Variants in SRP72 observed in about 807,000 individuals in gnomAD.
SRP72 encodes the protein signal recognition particle 72.
SRP72 carries 49 observed loss-of-function variants against 96.3 expected under a neutral mutation model. That is an observed-to-expected ratio of 0.51 (90% confidence interval 0.40 to 0.65). The LOEUF is 0.65. Ranked by LOEUF, SRP72 falls within the 30% of genes least tolerant of loss-of-function variation. The pLI is 0.00. For synonymous variants in SRP72, 267 were observed against 275.2 expected (o/e 0.97, Z 0.30); for missense variants, 736 against 793.3 (o/e 0.93, Z 0.87).
At chr4:56,494,697 C>T (rs1279053096) in intron 16 of SRP72, among the ~76,000 whole-genome samples, 2 of 152,062 alleles carry the variant, frequency 1.3e-5, no homozygotes, top group East Asian at 3.9e-4. Flanking sequence ...AGCCACTGTT[C>T]CCAGCCACTT....
In SRP72 at chr4:56,502,451, G is replaced by C. The variant is rs1285379034; in HGVS notation, c.*590G>C. On this transcript the variant is annotated 3_prime_UTR_variant, in exon 19 of 19. Transcript: ENST00000642900. ...TCTGTCATGTGATACTGGAATATGG[G>C]ATACTTTTCATGTTTATATATATAT... 1.4e-5 allele frequency: 2 copies of C among 139,652 alleles called. No individual in the cohort carries two copies. The highest frequency in any genetic ancestry group is 3.1e-5 in the Non-Finnish European group (2 of 65,264). The allele number at this position is 139,652 out of a possible 1,614,324, so 8.7% of individuals were successfully genotyped here.
intron 16 of SRP72, among the ~76,000 whole-genome samples, chr4:56,492,890 C>G (rs769819717): frequency 6.6e-6 from 1 of 152,058 alleles, no homozygotes; most frequent in African/African-American, 2.4e-5. Flanking sequence ...GAGGCTGAGG[C>G]GGGATGATTG....
At chr4:56,474,489 G>T in intron 5 of SRP72, 98 bp downstream of exon 5, 2 of 1,027,454 alleles carry the variant, frequency 1.9e-6, no homozygotes, top group Non-Finnish European at 2.8e-6. Context: ...ATTATTAAAT[G>T]GAAGTTATTG....
intron 4 of SRP72, 26 bp downstream of exon 4, chr4:56,474,223 A>G (rs960484734): frequency 2.5e-6 from 4 of 1,613,696 alleles, no homozygotes; most frequent in Admixed American, 1.7e-5. Context: ...GTGTACCCAT[A>G]CAGTCATGAA....
At position 56,484,792 on chromosome 4, in the gene SRP72, C is replaced by CT. The variant is rs1720641867; in HGVS notation, c.1016dup (p.Leu339PhefsTer13). The CT allele has an allele frequency of 1.9e-6, 3 of 1,614,082 alleles. No homozygotes were observed. Among genetic ancestry groups the CT allele is most frequent in the African/African-American group, 1.3e-5 (1 of 74,940 alleles). On this transcript the variant is annotated frameshift_variant, in exon 10 of 19. Coordinates refer to ENST00000642900, the MANE Select transcript of SRP72 (RefSeq NM_006947.4). LOFTEE classifies it high-confidence loss of function. ...TACAGTCCCAAAGTCCCGAGCATCTCTTACCTGTGTTAATCCAAGCTGCCC... is the reference window on the plus strand; with the variant it reads ...TACAGTCCCAAAGTCCCGAGCATCTCTTTACCTGTGTTAATCCAAGCTGCCC...
chr4:56,483,335 G>A (rs1263652594), intron 9 of SRP72, 65 bp downstream of exon 9: 2 of 1,424,824 alleles, frequency 1.4e-6, no homozygotes, highest in Non-Finnish European at 1.9e-6. Context: ...GAGTAATAGG[G>A]ATATTAGTCT....
At chr4:56,469,895 T>A (rs1333593074) in intron 2 of SRP72, 122 bp downstream of exon 2, 1 of 963,378 alleles carries the variant, frequency 1.0e-6, no homozygotes, top group Non-Finnish European at 1.4e-6. Context: ...TTCCTTTTTT[T>A]CCCCCCTTTT....
intron 8 of SRP72, 93 bp from the exon 9 acceptor site, chr4:56,483,046 A>G (rs572312369): frequency 1.1e-5 from 13 of 1,185,406 alleles, no homozygotes; most frequent in East Asian, 5.2e-5. Flanking sequence ...GATAGATTCA[A>G]GCTCTCCTGC....
At chr4:56,498,379 C>T (rs570151869) in intron 17 of SRP72, among the ~76,000 whole-genome samples, 2 of 152,280 alleles carry the variant, frequency 1.3e-5, no homozygotes, top group African/African-American at 4.8e-5. Context: ...CAAGGATGCC[C>T]TCTCTCACCA....
chr4:56,486,484 T>A, intron 11 of SRP72, 87 bp downstream of exon 11: 1 of 1,114,060 alleles, frequency 9.0e-7, no homozygotes, highest in East Asian at 2.7e-5. Context: ...GATTTTAAGT[T>A]TTTTTGTGTA....
In SRP72 at chr4:56,500,598, C is replaced by T. The variant is rs146473599; in HGVS notation, c.1741C>T (p.Arg581Ter). ...AGATCCAGAAAGATGGCTGCCAATG[C>T]GAGAACGTTCTTACTACCGGGGAAG... ...TPDPERWLPM[R>*]ERSYYRGRKK... The change falls in exon 18 of 19, where the codon CGA becomes TGA. Residue 581 changes from arginine to a stop codon, truncating the protein, a stop_gained. Coordinates refer to ENST00000642900, the MANE Select transcript of SRP72 (RefSeq NM_006947.4). LOFTEE classifies it high-confidence loss of function. 5 of 1,613,654 alleles carry T rather than the reference C, an allele frequency of 3.1e-6. No individual in the cohort carries two copies. Among genetic ancestry groups the T allele is most frequent in the African/African-American group, 2.7e-5 (2 of 74,820 alleles).
At chr4:56,468,399 A>ATAC (rs1157872165) in intron 1 of SRP72, among the ~76,000 whole-genome samples, 1 of 152,128 alleles carries the variant, frequency 6.6e-6, no homozygotes, top group Admixed American at 6.5e-5. Flanking sequence ...TTTGCCCTGT[A>ATAC]AGGGATGATT....
chr4:56,474,529 C>T (rs141953345), intron 5 of SRP72, 138 bp downstream of exon 5: 20 of 757,380 alleles, frequency 2.6e-5, no homozygotes, highest in Middle Eastern at 3.9e-4. Context: ...AAGTTCCTGT[C>T]GTCTTTCTCT....
intron 15 of SRP72, among the ~76,000 whole-genome samples, chr4:56,490,993 C>G (rs1347284223): frequency 6.6e-6 from 1 of 152,208 alleles, no homozygotes; most frequent in African/African-American, 2.4e-5. Context: ...ACTTAGGTCA[C>G]TTGCTTATCT....
chr4:56,491,168 A>T (rs1421518875), intron 15 of SRP72, among the ~76,000 whole-genome samples: 3 of 152,194 alleles, frequency 2.0e-5, no homozygotes, highest in Admixed American at 1.3e-4. Flanking sequence ...GTATTAAGCC[A>T]CCACCTTGCT....
intron 17 of SRP72, among the ~76,000 whole-genome samples, chr4:56,499,962 C>G (rs1466318911): frequency 3.3e-5 from 5 of 152,178 alleles, no homozygotes; most frequent in African/African-American, 1.2e-4. Flanking sequence ...TTGGAACCAA[C>G]CCAAATGCCC....
At chr4:56,476,400 A>G (rs975412852) in intron 5 of SRP72, 14 of 441,188 alleles carry the variant, frequency 3.2e-5, no homozygotes, top group African/African-American at 2.5e-4. Context: ...TTCGCAATTA[A>G]TATTTACTAC....
In SRP72 at chr4:56,474,348, AGGC is replaced by A; in HGVS notation, c.568_570del (p.Gly190del). The A allele has an allele frequency of 6.2e-7, 1 of 1,614,182 alleles. No individual in the cohort carries two copies. The highest frequency in any genetic ancestry group is 1.7e-4 in the Middle Eastern group (1 of 6,058). On this transcript the variant is annotated inframe_deletion, in exon 5 of 19. Transcript: ENST00000642900. The stretch of plus-strand genomic sequence containing the variant: ...ACACTGCATGTGCACTGATAGGCCA[AGGC>A]CAGCTGAACCAGGCCATGAAAATCC...
Position 56,501,726 on chromosome 4 carries a change from A to G in SRP72, c.1881A>G (p.Arg627=). The G allele has an allele frequency of 6.2e-7, 1 of 1,614,150 alleles. No individual in the cohort carries two copies. Among genetic ancestry groups the G allele is most frequent in the South Asian group, 1.1e-5 (1 of 91,078 alleles). ...KTVSSPPTSP[R]PGSAATVSAS... ...TGAGCAGCCCACCCACCTCCCCAAG[A>G]CCTGGCAGTGCTGCAACAGTATCTG... Residue 627 remains arginine (R), a synonymous_variant, in exon 19 of 19, where the codon AGA becomes AGG. Transcript: ENST00000642900.
Sources: allele counts gnomAD v4.1 joint callset (sites outside exome capture counted in the v4.1 genomes callset), GRCh38; gene constraint gnomAD v4.1.1; transcripts MANE v1.5; gene names NCBI Gene and HGNC (gene_info 2026-07-23, HGNC 2026-07-21).